The following PXDNL variants were observed in gnomAD, a reference collection of about 807,000 sequenced individuals.
PXDNL encodes probable oxidoreductase PXDNL.
PXDNL carries 145 observed loss-of-function variants against 150.8 expected under a neutral mutation model. The observed-to-expected ratio is 0.96, with a 90% CI of 0.84 to 1.10. The LOEUF is 1.10. Ranked by LOEUF, PXDNL falls within the 50% of genes least tolerant of loss-of-function variation. The probability of loss-of-function intolerance (pLI) is 0.00; values close to 1 mark genes in which losing one functional copy is unlikely to be tolerated. For synonymous variants in PXDNL, 757 were observed against 725.7 expected, an observed-to-expected ratio of 1.04 and a Z score of -0.69; for missense variants, 2,087 against 1,873.9, an observed-to-expected ratio of 1.11 and a Z score of -2.10.
At chr8:51,603,668 C>T (rs1813777281) in intron 2 of PXDNL, among the ~76,000 whole-genome samples, 2 of 151,986 alleles carry the variant, frequency 1.3e-5, no homozygotes, top group African/African-American at 2.4e-5. Context: ...TTTTTACTTT[C>T]TCTTTTCCAT....
chr8:51,339,636 T>C lies in PXDNL; in HGVS notation c.4134A>G (p.Ala1378=). Residue 1378 remains alanine (A), a synonymous_variant, in exon 21 of 23, where the codon GCA becomes GCG. Transcript: ENST00000356297. Reference sequence around the variant, plus strand: ...AGAGAAAACAAACCTGCTCTCTGAGTGCTGTGATGGTTTCCTGAATTTCCG... The same window carrying C: ...AGAGAAAACAAACCTGCTCTCTGAGCGCTGTGATGGTTTCCTGAATTTCCG... ...FAAEIQETIT[A]LREQINKLEA... The C allele has an allele frequency of 6.2e-7, 1 of 1,613,468 alleles. No homozygotes were observed. Among genetic ancestry groups the C allele is most frequent in the Non-Finnish European group, 8.5e-7 (1 of 1,179,760 alleles).
chr8:51,391,560 G>A (rs1198473107), intron 17 of PXDNL, among the ~76,000 whole-genome samples: 4 of 152,034 alleles, frequency 2.6e-5, no homozygotes, highest in African/African-American at 4.8e-5. Flanking sequence ...GTGTCTGTTC[G>A]TGTCCTTCAC....
At chr8:51,724,677 T>G (rs1816791317) in intron 1 of PXDNL, among the ~76,000 whole-genome samples, 2 of 152,112 alleles carry the variant, frequency 1.3e-5, no homozygotes, top group African/African-American at 4.8e-5. Context: ...CAGAGATGAG[T>G]AACAGGCTTT....
chr8:51,723,068 C>T (rs1563300668), intron 1 of PXDNL, among the ~76,000 whole-genome samples: 2 of 151,942 alleles, frequency 1.3e-5, no homozygotes, highest in East Asian at 3.9e-4. Context: ...ATAGCATATA[C>T]CTGCCCCACA....
intron 1 of PXDNL, among the ~76,000 whole-genome samples, chr8:51,759,192 C>G (rs2037135502): frequency 6.6e-6 from 1 of 152,156 alleles, no homozygotes; most frequent in Admixed American, 6.5e-5. Flanking sequence ...GTGATGCTCT[C>G]CCACAGCCAC....
intron 17 of PXDNL, among the ~76,000 whole-genome samples, chr8:51,377,241 G>A (rs1376480325): frequency 1.4e-5 from 2 of 141,158 alleles, no homozygotes; most frequent in Non-Finnish European, 3.1e-5. Context: ...ACTTGGTGCT[G>A]GAGTTTTTCC....
At chr8:51,395,848 A>C (rs897609115) in intron 17 of PXDNL, among the ~76,000 whole-genome samples, 1 of 152,112 alleles carries the variant, frequency 6.6e-6, no homozygotes, top group Non-Finnish European at 1.5e-5. Flanking sequence ...CCCATACTTA[A>C]CTCCAATTTA....
intron 17 of PXDNL, among the ~76,000 whole-genome samples, chr8:51,377,145 A>ACACAC (rs1358819431): frequency 1.7e-4 from 10 of 57,874 alleles, no homozygotes; most frequent in Admixed American, 6.5e-4. Flanking sequence ...CACACACACA[A>ACACAC]AGCCAAAGCC....
At chr8:51,770,580 C>A (rs2037282377) in intron 1 of PXDNL, among the ~76,000 whole-genome samples, 1 of 152,208 alleles carries the variant, frequency 6.6e-6, no homozygotes, top group South Asian at 2.1e-4. Flanking sequence ...ATGTCTCCTG[C>A]TGTCTCCTCC....
intron 16 of PXDNL, 38 bp downstream of exon 16, chr8:51,411,212 G>A: frequency 7.3e-7 from 1 of 1,368,332 alleles, no homozygotes; most frequent in Non-Finnish European, 9.5e-7. Flanking sequence ...GTTTTTCTGT[G>A]GGCAGTAGGC....
In PXDNL at chr8:51,498,701, C is replaced by G. The variant is rs532738087; in HGVS notation, c.452+998G>C. Among the ~76,000 whole-genome samples, 9 of 152,254 alleles carry G rather than the reference C, an allele frequency of 5.9e-5. No homozygotes were observed. In the South Asian group the frequency reaches 1.7e-3, roughly 28 times the overall value. On this transcript the variant is annotated intron_variant, in intron 5 of 22. Transcript: ENST00000356297. ...GAAAAACCAAGAATACAAAACATTG[C>G]CAGGCCTACGGAGGCTCCTCCTGCC...
chr8:51,766,879 T>C (rs995625105), intron 1 of PXDNL, among the ~76,000 whole-genome samples: 2 of 152,156 alleles, frequency 1.3e-5, no homozygotes, highest in African/African-American at 2.4e-5. Flanking sequence ...TTTGCTGGAA[T>C]TATTTCTTTA....
In PXDNL at chr8:51,565,321, A is replaced by AATAGATAGATAG. The variant is rs367721031; in HGVS notation, c.309-8422_309-8411dup. On this transcript the variant is annotated intron_variant, in intron 3 of 22. Coordinates refer to ENST00000356297, the MANE Select transcript of PXDNL (RefSeq NM_144651.5). Reference sequence around the variant, plus strand: ...AAATAAATAAATAAATAAATAAATAAATAGATAGATAGATAGATAGATAAA... The same window carrying AATAGATAGATAG: ...AAATAAATAAATAAATAAATAAATAAATAGATAGATAGATAGATAGATAGATAGATAGATAAA... Among the ~76,000 whole-genome samples the AATAGATAGATAG allele has an allele frequency of 3.7e-3, 505 of 135,572 alleles. 2 individuals carry two copies. Among genetic ancestry groups the AATAGATAGATAG allele is most frequent in the Middle Eastern group, 7.3e-3 (2 of 274 alleles). 88.9% of individuals were successfully genotyped at this position (135,572 alleles called of 152,430 possible).
At chr8:51,402,197 A>T (rs1313564223) in intron 17 of PXDNL, among the ~76,000 whole-genome samples, 2 of 152,210 alleles carry the variant, frequency 1.3e-5, no homozygotes, top group Admixed American at 6.5e-5. Context: ...TACTGAATAC[A>T]AGTTACTTAA....
chr8:51,542,495 TAAA>T (rs34691012), intron 4 of PXDNL, among the ~76,000 whole-genome samples: 5,350 of 136,628 alleles, frequency 0.039, 140 homozygotes, highest in Middle Eastern at 0.052. Context: ...AATGCCCTTA[TAAA>T]AAAAAAAAAA....
chr8:51,522,798 C>T (rs563755030), intron 4 of PXDNL, among the ~76,000 whole-genome samples: 6 of 151,886 alleles, frequency 4.0e-5, no homozygotes, highest in Non-Finnish European at 7.4e-5. Flanking sequence ...GAGCCAAGAT[C>T]GTGCCATTGA....
At chr8:51,553,737 A>ATT (rs1368621012) in intron 4 of PXDNL, among the ~76,000 whole-genome samples, 2 of 115,280 alleles carry the variant, frequency 1.7e-5, no homozygotes, top group African/African-American at 4.8e-5. Context: ...ATTGTGAGGG[A>ATT]TTTTATATAT....
At chr8:51,612,068 T>C (rs1428213413) in intron 2 of PXDNL, among the ~76,000 whole-genome samples, 2 of 152,204 alleles carry the variant, frequency 1.3e-5, no homozygotes, top group Admixed American at 1.3e-4. Flanking sequence ...AAAGGAATAA[T>C]GGTATTGACA....
intron 8 of PXDNL, among the ~76,000 whole-genome samples, chr8:51,459,633 G>T (rs1554542528): frequency 6.6e-6 from 1 of 152,094 alleles, no homozygotes; most frequent in Non-Finnish European, 1.5e-5. Flanking sequence ...CATAAAACTT[G>T]TTTGCTCATG....
Sources: gnomAD v4.1 joint callset for allele counts (sites outside exome capture counted in the v4.1 genomes callset) on GRCh38, gnomAD v4.1.1 for gene constraint, MANE v1.5 for transcripts, NCBI Gene and HGNC (gene_info 2026-07-23, HGNC 2026-07-21) for gene names.